Variants in SLC35F4 observed in about 807,000 individuals in gnomAD.
SLC35F4 encodes chromosome 14 open reading frame 36.
A neutral mutation model predicts 44.2 loss-of-function variants in SLC35F4; 24 were observed. The observed-to-expected ratio is 0.54, with a 90% CI of 0.39 to 0.76. SLC35F4 has a LOEUF of 0.76. Among genes scored for constraint, SLC35F4 ranks in the 30% least tolerant of loss-of-function variants. SLC35F4 has a pLI of 0.00. For synonymous variants in SLC35F4, 238 were observed against 223.6 expected (o/e 1.06, Z -0.57); for missense variants, 562 against 586.1 (o/e 0.96, Z 0.42).
intron 1 of SLC35F4, among the ~76,000 whole-genome samples, chr14:57,762,291 A>G (rs1370770097): frequency 3.3e-5 from 5 of 152,194 alleles, no homozygotes; most frequent in Admixed American, 2.0e-4. Context: ...AAGTTCCTCT[A>G]TATCTATCAT....
intron 1 of SLC35F4, among the ~76,000 whole-genome samples, chr14:57,719,827 A>C (rs1290773359): frequency 6.6e-6 from 1 of 151,958 alleles, no homozygotes; most frequent in Non-Finnish European, 1.5e-5. Context: ...TAATTGCCCT[A>C]GCTAGGACTT....
At chr14:57,935,236 G>C (rs535723540) in intron 1 of SLC35F4, among the ~76,000 whole-genome samples, 7 of 152,164 alleles carry the variant, frequency 4.6e-5, no homozygotes, top group Non-Finnish European at 1.0e-4. Context: ...TCTCTGTTTT[G>C]TTCACAGCTA....
intron 1 of SLC35F4, among the ~76,000 whole-genome samples, chr14:57,681,642 A>G (rs1433839660): frequency 6.6e-6 from 1 of 152,134 alleles, no homozygotes; most frequent in African/African-American, 2.4e-5. Context: ...CAAAAGCCAA[A>G]ATTGACAAAT....
At chr14:57,610,425 G>A (rs553859688) in intron 1 of SLC35F4, among the ~76,000 whole-genome samples, 13 of 152,212 alleles carry the variant, frequency 8.5e-5, no homozygotes, top group African/African-American at 2.2e-4. Flanking sequence ...TGCTGACTGC[G>A]CGGGGTCTGT....
At chr14:57,771,376 A>G (rs2077359127) in intron 1 of SLC35F4, among the ~76,000 whole-genome samples, 1 of 152,208 alleles carries the variant, frequency 6.6e-6, no homozygotes, top group Non-Finnish European at 1.5e-5. Context: ...TCCACAGGTT[A>G]CAAATGACTT....
chr14:57,638,747 T>C (rs1037753484), intron 1 of SLC35F4, among the ~76,000 whole-genome samples: 8 of 152,086 alleles, frequency 5.3e-5, no homozygotes, highest in Admixed American at 5.2e-4. Context: ...GAACAGATGT[T>C]ACTCTTATGT....
chr14:57,592,882 G>C (rs140413056), intron 2 of SLC35F4, among the ~76,000 whole-genome samples: 3,400 of 152,098 alleles, frequency 0.022, 71 homozygotes, highest in South Asian at 0.049. Flanking sequence ...TATTTTGGTG[G>C]TGTATTTTGT....
Position 57,734,047 on chromosome 14 carries a change from C to T in SLC35F4, c.103+131676G>A, listed in dbSNP as rs552412788. ...CCCCTTATCCATGAGCCCCATGTAG[C>T]GTAAGGAAAGTCTTTCTGGAAATAA... On this transcript the variant is annotated intron_variant, in intron 1 of 7. Coordinates refer to ENST00000556826, the MANE Select transcript of SLC35F4 (RefSeq NM_001306087.2). 1.3e-3 allele frequency among the ~76,000 whole-genome samples: 204 copies of T among 152,192 alleles called. 2 individuals are homozygous for T. The highest frequency in any genetic ancestry group is 4.7e-3 in the African/African-American group (195 of 41,544).
At chr14:57,825,618 C>T (rs10148662) in intron 1 of SLC35F4, among the ~76,000 whole-genome samples, 22,702 of 152,000 alleles carry the variant, frequency 0.15, 2,095 homozygotes, top group African/African-American at 0.26. Flanking sequence ...CTAGAAAACC[C>T]CATCATCTCA....
At chr14:57,657,871 T>C (rs186905832) in intron 1 of SLC35F4, among the ~76,000 whole-genome samples, 32 of 152,354 alleles carry the variant, frequency 2.1e-4, no homozygotes, top group Admixed American at 1.2e-3. Flanking sequence ...TTGTCACTAG[T>C]TTACCACTGA....
intron 1 of SLC35F4, among the ~76,000 whole-genome samples, chr14:57,919,663 G>A (rs1485096196): frequency 2.6e-5 from 4 of 152,218 alleles, no homozygotes; most frequent in East Asian, 3.9e-4. Flanking sequence ...GTGGGGGAGC[G>A]TGGACAGAGT....
intron 1 of SLC35F4, among the ~76,000 whole-genome samples, chr14:57,778,137 G>A (rs761027809): frequency 2.0e-5 from 3 of 152,128 alleles, no homozygotes; most frequent in Non-Finnish European, 4.4e-5. Context: ...AAATTTCTCT[G>A]CATAAGCTCT....
chr14:57,826,885 T>G (rs1237098880), intron 1 of SLC35F4, among the ~76,000 whole-genome samples: 2 of 152,062 alleles, frequency 1.3e-5, no homozygotes, highest in Admixed American at 1.3e-4. Context: ...TGTGGAGAAA[T>G]AAGAACTCTT....
At chr14:57,698,523 A>G (rs1303736672) in intron 1 of SLC35F4, among the ~76,000 whole-genome samples, 1 of 152,176 alleles carries the variant, frequency 6.6e-6, no homozygotes, top group Non-Finnish European at 1.5e-5. Flanking sequence ...GTCTTCCAAG[A>G]TACATACTTC....
intron 1 of SLC35F4, among the ~76,000 whole-genome samples, chr14:57,848,580 T>C (rs1886237804): frequency 6.6e-6 from 1 of 152,226 alleles, no homozygotes; most frequent in Non-Finnish European, 1.5e-5. Context: ...CAAGCTCTTT[T>C]GGGAGATGAT....
intron 1 of SLC35F4, among the ~76,000 whole-genome samples, chr14:57,939,607 G>A (rs944331041): frequency 6.6e-6 from 1 of 152,180 alleles, no homozygotes; most frequent in Non-Finnish European, 1.5e-5. Context: ...AAGGGTAGAA[G>A]GCTATCTGAG....
At chr14:57,667,265 T>C (rs990769412) in intron 1 of SLC35F4, among the ~76,000 whole-genome samples, 1 of 151,982 alleles carries the variant, frequency 6.6e-6, no homozygotes, top group African/African-American at 2.4e-5. Flanking sequence ...CTGCATATAC[T>C]GCCAAACGTT....
At chr14:57,726,372 G>T (rs893910388) in intron 1 of SLC35F4, among the ~76,000 whole-genome samples, 3 of 152,152 alleles carry the variant, frequency 2.0e-5, no homozygotes, top group Non-Finnish European at 2.9e-5. Context: ...GTAGAAGAAG[G>T]TAGTCATCAA....
At chr14:57,682,048 G>A (rs1271500388) in intron 1 of SLC35F4, among the ~76,000 whole-genome samples, 2 of 152,220 alleles carry the variant, frequency 1.3e-5, no homozygotes, top group African/African-American at 4.8e-5. Context: ...CTGTTGGTTA[G>A]AGTGTAAATT....
Sources: allele counts gnomAD v4.1 joint callset (sites outside exome capture counted in the v4.1 genomes callset), GRCh38; gene constraint gnomAD v4.1.1; transcripts MANE v1.5; gene names NCBI Gene and HGNC (gene_info 2026-07-23, HGNC 2026-07-21).